The following RPS6KA5 variants were observed in gnomAD, a reference collection of about 807,000 sequenced individuals.
RPS6KA5 encodes ribosomal protein S6 kinase alpha-5.
In RPS6KA5, 27 loss-of-function variants were observed where a neutral mutation model predicts 85.5. That is an observed-to-expected ratio of 0.32 (90% confidence interval 0.23 to 0.44). The LOEUF (loss-of-function observed/expected upper bound fraction) is 0.44, where lower values mean the gene tolerates loss of function less well. Among genes scored for constraint, RPS6KA5 ranks in the 20% least tolerant of loss-of-function variants. RPS6KA5 has a pLI of 1.00. For synonymous variants in RPS6KA5, 334 were observed against 348.2 expected, an observed-to-expected ratio of 0.96 and a Z score of 0.46; for missense variants, 811 against 980.9, an observed-to-expected ratio of 0.83 and a Z score of 2.31.
chr14:91,016,780 G>A (rs1009697807), intron 1 of RPS6KA5, among the ~76,000 whole-genome samples: 4 of 151,496 alleles, frequency 2.6e-5, no homozygotes, highest in Admixed American at 2.0e-4. Flanking sequence ...TGGTTGGATG[G>A]TCAGGGACTT....
At chr14:91,024,571 A>C (rs2041916870) in intron 1 of RPS6KA5, among the ~76,000 whole-genome samples, 1 of 152,246 alleles carries the variant, frequency 6.6e-6, no homozygotes, top group East Asian at 1.9e-4. Flanking sequence ...GAGAAAAACT[A>C]GTAATTTTTC....
chr14:90,911,367 C>A (rs997114780), intron 7 of RPS6KA5: 1 of 152,220 alleles, frequency 6.6e-6, no homozygotes, highest in Admixed American at 6.5e-5. Flanking sequence ...AGCTCTTTTG[C>A]TTTTCTGCAG....
intron 2 of RPS6KA5, among the ~76,000 whole-genome samples, chr14:90,985,018 A>T (rs1029488196): frequency 2.6e-5 from 4 of 151,300 alleles, no homozygotes; most frequent in African/African-American, 9.7e-5. Flanking sequence ...TTGGCTCACC[A>T]CAACCTCCAC....
At chr14:90,988,498 T>A (rs2040156505) in intron 2 of RPS6KA5, among the ~76,000 whole-genome samples, 1 of 152,220 alleles carries the variant, frequency 6.6e-6, no homozygotes, top group Admixed American at 6.5e-5. Context: ...GTTCAGAATC[T>A]AAGATGCTTG....
At chr14:91,008,278 T>C (rs1177400474) in intron 1 of RPS6KA5, among the ~76,000 whole-genome samples, 1 of 152,232 alleles carries the variant, frequency 6.6e-6, no homozygotes, top group East Asian at 1.9e-4. Context: ...AATAATGCTT[T>C]TGAAGCCATT....
rs573702454 is a variant in RPS6KA5 at position 90,926,850 on chromosome 14, A to G, written c.619-3654T>C. On this transcript the variant is annotated intron_variant, in intron 5 of 16. Coordinates refer to ENST00000614987, the MANE Select transcript of RPS6KA5 (RefSeq NM_004755.4). ...GAAATCTAACGTATGTATTTCATAA[A>G]TTAATAAATTGAACTTGAAAGAAAA... 5.9e-5 allele frequency among the ~76,000 whole-genome samples: 9 copies of G among 152,284 alleles called. No individual in the cohort carries two copies. In the East Asian group the frequency reaches 1.7e-3, roughly 29 times the overall value.
chr14:90,935,371 C>A (rs2037201104), intron 5 of RPS6KA5, among the ~76,000 whole-genome samples: 1 of 152,156 alleles, frequency 6.6e-6, no homozygotes, highest in Non-Finnish European at 1.5e-5. Flanking sequence ...GAAATGTAAA[C>A]AGTACTTCTC....
intron 3 of RPS6KA5, among the ~76,000 whole-genome samples, chr14:90,956,360 T>C (rs770259875): frequency 2.6e-5 from 4 of 152,178 alleles, no homozygotes; most frequent in Non-Finnish European, 4.4e-5. Flanking sequence ...TTTCTTGTGG[T>C]TGCTGTTTCC....
chr14:90,886,415 C>T (rs758355386), intron 14 of RPS6KA5, among the ~76,000 whole-genome samples: 50 of 152,162 alleles, frequency 3.3e-4, no homozygotes, highest in African/African-American at 9.9e-4. Context: ...TCCTTGCACC[C>T]GCTGGGGATT....
At chr14:90,910,642 A>G (rs2035758484) in intron 7 of RPS6KA5, among the ~76,000 whole-genome samples, 1 of 151,690 alleles carries the variant, frequency 6.6e-6, no homozygotes, top group Non-Finnish European at 1.5e-5. Flanking sequence ...AGTCTTAGTA[A>G]CAATAGGCGA....
At chr14:91,035,428 C>A (rs2042357565) in intron 1 of RPS6KA5, among the ~76,000 whole-genome samples, 1 of 152,082 alleles carries the variant, frequency 6.6e-6, no homozygotes, top group Non-Finnish European at 1.5e-5. Context: ...ACAAAATCAT[C>A]CCCCAGAAAG....
At position 90,900,107 on chromosome 14, in the gene RPS6KA5, C is replaced by A; in HGVS notation, c.1379+1G>T. On this transcript the variant is annotated splice_donor_variant, in intron 11 of 16. Coordinates refer to ENST00000614987, the MANE Select transcript of RPS6KA5 (RefSeq NM_004755.4). LOFTEE classifies it high-confidence loss of function. The stretch of plus-strand genomic sequence containing the variant: ...GAATATTATATTAAAAATGGTCATA[C>A]CTTTTGCTGATTATTTTGACTGCAA... 1 of 1,593,892 alleles carries A rather than the reference C, an allele frequency of 6.3e-7. No homozygotes were observed. Among genetic ancestry groups the A allele is most frequent in the Non-Finnish European group, 8.5e-7 (1 of 1,170,340 alleles).
intron 3 of RPS6KA5, among the ~76,000 whole-genome samples, chr14:90,964,755 T>C (rs2038972423): frequency 6.7e-6 from 1 of 150,322 alleles, no homozygotes; most frequent in African/African-American, 2.4e-5. Context: ...CTTTGCAAAA[T>C]ACAAAAAAAT....
At chr14:90,975,335 A>T (rs936235479) in intron 3 of RPS6KA5, among the ~76,000 whole-genome samples, 5 of 152,242 alleles carry the variant, frequency 3.3e-5, no homozygotes, top group Admixed American at 2.6e-4. Context: ...GGACTGTTAC[A>T]GGCTGAACTG....
intron 1 of RPS6KA5, 58 bp downstream of exon 1, chr14:91,060,274 C>A: frequency 1.8e-6 from 2 of 1,086,490 alleles, no homozygotes; most frequent in Non-Finnish European, 2.2e-6. Context: ...CGGGCACCCG[C>A]GTGCCCTCAG....
chr14:90,911,670 C>CTAAT (rs922949726), intron 7 of RPS6KA5, among the ~76,000 whole-genome samples: 4 of 152,002 alleles, frequency 2.6e-5, no homozygotes, highest in African/African-American at 9.7e-5. Flanking sequence ...AGAGAGTTTT[C>CTAAT]TAATTAGAGA....
At chr14:91,022,714 T>C (rs1004629209) in intron 1 of RPS6KA5, among the ~76,000 whole-genome samples, 17 of 152,216 alleles carry the variant, frequency 1.1e-4, no homozygotes, top group African/African-American at 4.1e-4. Context: ...GAAACTAAAA[T>C]CGGGAACAAG....
At chr14:91,038,889 A>G (rs537740168) in intron 1 of RPS6KA5, among the ~76,000 whole-genome samples, 16 of 152,314 alleles carry the variant, frequency 1.1e-4, no homozygotes, top group African/African-American at 3.6e-4. Flanking sequence ...CACCCTTATG[A>G]TTAAATCTTC....
At chr14:90,988,453 A>G (rs544232037) in intron 2 of RPS6KA5, among the ~76,000 whole-genome samples, 14 of 152,348 alleles carry the variant, frequency 9.2e-5, no homozygotes, top group African/African-American at 3.4e-4. Context: ...TGTATATCTT[A>G]GGAGAGGAAT....
Sources: gnomAD v4.1 joint callset for allele counts (sites outside exome capture counted in the v4.1 genomes callset) on GRCh38, gnomAD v4.1.1 for gene constraint, MANE v1.5 for transcripts, NCBI Gene and HGNC (gene_info 2026-07-23, HGNC 2026-07-21) for gene names.